The following RPAP1 variants were observed in gnomAD, a reference collection of about 807,000 sequenced individuals.
RPAP1 encodes the protein RNA polymerase II associated protein 1.
In RPAP1, 109 loss-of-function variants were observed where a neutral mutation model predicts 142.4. The observed-to-expected ratio is 0.77, with a 90% confidence interval of 0.66 to 0.90. RPAP1 has a LOEUF of 0.90. Ranked by LOEUF, RPAP1 falls within the 40% of genes least tolerant of loss-of-function variation. The pLI is 0.00. For missense variants in RPAP1, 1,546 were observed against 1,751.7 expected (o/e 0.88, Z 2.10); for synonymous variants, 704 against 738.9 (o/e 0.95, Z 0.77).
At chr15:41,527,666 T>A in intron 11 of RPAP1, 61 bp from the exon 12 acceptor site, 1 of 1,525,666 alleles carries the variant, frequency 6.6e-7, no homozygotes, top group Non-Finnish European at 8.8e-7. Flanking sequence ...GATCCAGGAG[T>A]AGAGAGGATG....
Position 41,523,323 on chromosome 15 carries a change from T to A in RPAP1, c.2468A>T (p.Asp823Val). ...CAGCTCCTCTGACAGGCGCTGCATG[T>A]CCTGGAGCCAATCCTCCGGGCATGA... is the stretch of plus-strand genomic sequence containing the variant. The part of the protein sequence containing the change: ...PSSCPEDWLQ[D>V]MQRLSEELLL... The change falls in exon 18 of 25, where the codon GAC (aspartate) becomes GTC (valine). Residue 823 changes from aspartate (D) to valine (V), a missense_variant. Around this residue, in one of 3 missense-constraint regions of RPAP1, gnomAD observed 1,333 missense variants for 1,486.6 expected, o/e 0.90. Transcript: ENST00000304330. 1 of 1,609,724 alleles carries A rather than the reference T, an allele frequency of 6.2e-7. No individual in the cohort carries two copies. Among genetic ancestry groups the A allele is most frequent in the Non-Finnish European group, 8.5e-7 (1 of 1,177,986 alleles).
rs1252189101 is a variant in RPAP1 at position 41,522,770 on chromosome 15, C to A, written c.2737G>T (p.Gly913Cys). 1 of 1,552,266 alleles carries A rather than the reference C, an allele frequency of 6.4e-7. No homozygotes were observed. The highest frequency in any genetic ancestry group is 8.6e-7 in the Non-Finnish European group (1 of 1,160,702). Residue 913 changes from glycine to cysteine, a missense_variant, in exon 19 of 25, where the codon GGC becomes TGC. Around this residue, in one of 3 missense-constraint regions of RPAP1, gnomAD observed 1,333 missense variants for 1,486.6 expected, o/e 0.90. Coordinates refer to ENST00000304330, the MANE Select transcript of RPAP1 (RefSeq NM_015540.4). ...TLAQIHKGLC[G>C]QLAAILAAPG... ...ATCAGGCACCCCACACTTACCTGGC[C>A]ACACAGCCCCTTGTGGATCTGGGCC...
In RPAP1 at chr15:41,528,017, C is replaced by A; in HGVS notation, c.1271G>T (p.Gly424Val). 1.9e-6 allele frequency: 3 copies of A among 1,613,858 alleles called. No homozygotes were observed. Among genetic ancestry groups the A allele is most frequent in the Non-Finnish European group, 2.5e-6 (3 of 1,179,918 alleles). ...LAQVISRAQA[G>V]EFGDRLAGSV... ...GCCTGCTAGCCGGTCCCCAAACTCA[C>A]CAGCCTGGGCCTGAGGGCAGGAGGG... Residue 424 changes from glycine (G) to valine (V), a missense_variant, in exon 11 of 25, where the codon GGT becomes GTT. Gly to Val is a moderately radical substitution (Grantham distance 109). This residue lies in a region of RPAP1 where 1,333 missense variants were observed against 1,486.6 expected (regional missense o/e 0.90). Transcript: ENST00000304330.
intron 18 of RPAP1, 93 bp downstream of exon 18, chr15:41,523,152 C>G (rs1393478795): frequency 3.8e-6 from 4 of 1,054,616 alleles, no homozygotes; most frequent in Non-Finnish European, 5.5e-6. Flanking sequence ...GGCCTGCACC[C>G]TGGGATGGAC....
chr15:41,520,002 C>T (rs528822137), intron 22 of RPAP1: 5 of 249,360 alleles, frequency 2.0e-5, no homozygotes, highest in East Asian at 1.0e-4. Context: ...GGCGCGATCT[C>T]GGCTCACTGT....
chr15:41,525,799 C>T (rs546105907), intron 14 of RPAP1, among the ~76,000 whole-genome samples: 1 of 151,984 alleles, frequency 6.6e-6, no homozygotes, highest in Non-Finnish European at 1.5e-5. Flanking sequence ...GGATTACAGG[C>T]GCATGCCACC....
chr15:41,528,319 T>C lies in RPAP1; in HGVS notation c.1176A>G (p.Leu392=), dbSNP rs2051816319. 1.9e-6 allele frequency: 3 copies of C among 1,596,966 alleles called. No individual in the cohort carries two copies. In the African/African-American group the frequency reaches 4.0e-5, roughly 21 times the overall value. The part of the protein sequence containing the change: ...GEEAERAGYS[L]QELFHLTRSQ... ...TGCGGGTCAGGTGGAACAGCTCCTGTAGGGAATACCCCGCTCTCTGGGGCA... is the reference window on the plus strand; with the variant it reads ...TGCGGGTCAGGTGGAACAGCTCCTGCAGGGAATACCCCGCTCTCTGGGGCA... Residue 392 remains leucine (L), a synonymous_variant, in exon 10 of 25, where the codon CTA becomes CTG. Transcript: ENST00000304330.
chr15:41,539,289 T>C (rs991219795), intron 1 of RPAP1, among the ~76,000 whole-genome samples: 13 of 148,690 alleles, frequency 8.7e-5, no homozygotes, highest in African/African-American at 3.4e-4. Context: ...GTTTTTTTTT[T>C]TGTTTTTTGT....
Position 41,521,149 on chromosome 15 carries a change from T to C in RPAP1, c.3039-2A>G. The C allele has an allele frequency of 1.3e-6, 2 of 1,510,350 alleles. No individual in the cohort carries two copies. Among genetic ancestry groups the C allele is most frequent in the Non-Finnish European group, 1.8e-6 (2 of 1,130,888 alleles). The allele number at this position is 1,510,350 out of a possible 1,614,324, so 93.6% of individuals were successfully genotyped here. ...TCTGGACCCCCTGATGTTCTTTCCCTGTAATGGGACCCAAAAGCCAAAAAT... is the reference window on the plus strand; with the variant it reads ...TCTGGACCCCCTGATGTTCTTTCCCCGTAATGGGACCCAAAAGCCAAAAAT... On this transcript the variant is annotated splice_acceptor_variant, in intron 21 of 24. Coordinates refer to ENST00000304330, the MANE Select transcript of RPAP1 (RefSeq NM_015540.4). LOFTEE classifies it high-confidence loss of function.
intron 14 of RPAP1, among the ~76,000 whole-genome samples, chr15:41,526,238 T>C (rs940234276): frequency 2.5e-4 from 38 of 152,222 alleles, no homozygotes; most frequent in African/African-American, 8.4e-4. Flanking sequence ...CGTGAGCCAC[T>C]GCACCTGGCC....
At position 41,521,624 on chromosome 15, in the gene RPAP1, C is replaced by G. The variant is rs970451900; in HGVS notation, c.3038+114G>C. 11 of 1,188,062 alleles carry G rather than the reference C, an allele frequency of 9.3e-6. No homozygotes were observed. In the South Asian group the frequency reaches 9.3e-5, roughly 10 times the overall value. The allele number at this position is 1,188,062 out of a possible 1,614,324, so 73.6% of individuals were successfully genotyped here. A position where few individuals can be genotyped will look rare whatever the true frequency, so the allele number is the denominator to read the frequency against. On this transcript the variant is annotated intron_variant, in intron 21 of 24. Transcript: ENST00000304330. ...ATGGAAGCTCGGAAGAGTTAAGTGT[C>G]GTCGGTGGAAGAAAGAGAATTTAGG... is the stretch of plus-strand genomic sequence containing the variant.
chr15:41,525,271 T>C (rs974328217), intron 14 of RPAP1, 123 bp from the exon 15 acceptor site: 11 of 566,066 alleles, frequency 1.9e-5, no homozygotes, highest in Middle Eastern at 2.9e-4. Flanking sequence ...CACAAAGTCA[T>C]ACCTCATCCA....
intron 6 of RPAP1, 21 bp downstream of exon 6, chr15:41,534,683 TGGTCTCAGCA>T: frequency 6.4e-7 from 1 of 1,557,008 alleles, no homozygotes; most frequent in Non-Finnish European, 8.8e-7. Context: ...TCTCCTAGCC[TGGTCTCAGCA>T]GGAAAGCCAG....
intron 5 of RPAP1, 38 bp downstream of exon 5, chr15:41,535,473 TA>T: frequency 6.4e-7 from 1 of 1,557,776 alleles, no homozygotes; most frequent in Admixed American, 2.2e-5. Flanking sequence ...TTGTGTCTTT[TA>T]AAAAGGCCAA....
chr15:41,524,611 G>T (rs2051769570), intron 15 of RPAP1, among the ~76,000 whole-genome samples: 1 of 151,964 alleles, frequency 6.6e-6, no homozygotes, highest in Non-Finnish European at 1.5e-5. Context: ...GAGTAGTTGG[G>T]ATTACAGGTG....
intron 3 of RPAP1, 78 bp downstream of exon 3, chr15:41,536,423 A>T (rs2051908185): frequency 6.4e-7 from 1 of 1,563,062 alleles, no homozygotes; most frequent in Non-Finnish European, 8.7e-7. Context: ...CTCCACTGAT[A>T]AGCCTCACCC....
intron 1 of RPAP1, among the ~76,000 whole-genome samples, chr15:41,541,790 T>C (rs1280941880): frequency 6.6e-6 from 1 of 152,058 alleles, no homozygotes; most frequent in Non-Finnish European, 1.5e-5. Flanking sequence ...GAGGTTGCAA[T>C]GAGCCAAGAT....
Position 41,524,153 on chromosome 15 carries a change from A to G in RPAP1, c.2177T>C (p.Leu726Pro). Residue 726 changes from leucine (L) to proline (P), a missense_variant, in exon 16 of 25, where the codon CTC becomes CCC. Around this residue, in one of 3 missense-constraint regions of RPAP1, gnomAD observed 1,333 missense variants for 1,486.6 expected, o/e 0.90. Coordinates refer to ENST00000304330, the MANE Select transcript of RPAP1 (RefSeq NM_015540.4). ...PLSMQRIASL[L>P]TLLTQLTLAA... is the part of the protein sequence containing the mutation. ...CAGGGTTAGCTGGGTGAGGAGAGTGAGCAGTGAGGCTATCCGCTGCATGGA... is the reference window on the plus strand; with the variant it reads ...CAGGGTTAGCTGGGTGAGGAGAGTGGGCAGTGAGGCTATCCGCTGCATGGA... 1 of 1,599,478 alleles carries G rather than the reference A, an allele frequency of 6.3e-7. No homozygotes were observed. Among genetic ancestry groups the G allele is most frequent in the Non-Finnish European group, 8.5e-7 (1 of 1,171,898 alleles).
At position 41,517,610 on chromosome 15, in the gene RPAP1, G is replaced by A. The variant is rs755569443; in HGVS notation, c.4114C>T (p.Pro1372Ser). ...EGFELYSQLP[P>S]LRQHYLQRLT... ...CTCTGGAGGTAGTGCTGACGCAGAG[G>A]GGGCAACTGAGAATAGAGCTCAAAG... Residue 1372 changes from proline to serine, a missense_variant, in exon 25 of 25, where the codon CCT becomes TCT. Physicochemically the swap from Pro to Ser is moderately conservative, Grantham distance 74. Coordinates refer to ENST00000304330, the MANE Select transcript of RPAP1 (RefSeq NM_015540.4). 3.6e-5 allele frequency: 58 copies of A among 1,610,790 alleles called. No homozygotes were observed. Among genetic ancestry groups the A allele is most frequent in the Non-Finnish European group, 4.5e-5 (53 of 1,178,238 alleles).
Sources: gnomAD v4.1 joint callset for allele counts (sites outside exome capture counted in the v4.1 genomes callset) on GRCh38, gnomAD v4.1.1 for gene constraint, gnomAD v4.1.1 regional missense constraint, MANE v1.5 for transcripts, NCBI Gene and HGNC (gene_info 2026-07-23, HGNC 2026-07-21) for gene names.